Variants in PDE1C observed in about 807,000 individuals in gnomAD.
PDE1C encodes dual specificity calcium/calmodulin-dependent 3',5'-cyclic nucleotide phosphodiesterase 1C.
A neutral mutation model predicts 93.1 loss-of-function variants in PDE1C; 62 were observed. The ratio of observed to expected loss-of-function variants is 0.67; its 90% confidence interval spans 0.54 to 0.82. The LOEUF (loss-of-function observed/expected upper bound fraction) is 0.82, where lower values mean the gene tolerates loss of function less well. PDE1C is among the 40% of genes least tolerant of loss of function. The pLI, the probability that PDE1C is intolerant of heterozygous loss-of-function variation, is 0.00. For synonymous variants in PDE1C, 325 were observed against 310.1 expected, an observed-to-expected ratio of 1.05 and a Z score of -0.50; for missense variants, 742 against 884.6, an observed-to-expected ratio of 0.84 and a Z score of 2.04.
At chr7:32,269,086 C>A (rs1363658647) in intron 1 of PDE1C, among the ~76,000 whole-genome samples, 1 of 152,170 alleles carries the variant, frequency 6.6e-6, no homozygotes, top group East Asian at 1.9e-4. Context: ...AGCACAGAGG[C>A]CTTCTTAAAG....
intron 2 of PDE1C, among the ~76,000 whole-genome samples, chr7:31,927,402 T>A (rs1415810252): frequency 6.6e-6 from 1 of 152,164 alleles, no homozygotes; most frequent in Non-Finnish European, 1.5e-5. Flanking sequence ...GCCTGCCGGC[T>A]CTGAAGAGAG....
chr7:31,809,409 T>C (rs1787276432), intron 15 of PDE1C, among the ~76,000 whole-genome samples: 1 of 152,068 alleles, frequency 6.6e-6, no homozygotes, highest in Non-Finnish European at 1.5e-5. Context: ...CCGAGCTAAC[T>C]GTAAGTTCTA....
chr7:31,870,987 TATTAGTATAAAA>T (rs1795878854), intron 6 of PDE1C, among the ~76,000 whole-genome samples: 2 of 151,426 alleles, frequency 1.3e-5, no homozygotes, highest in African/African-American at 4.8e-5. Context: ...ATTTTTATAC[TATTAGTATAAAA>T]AATAGTATTT....
chr7:31,854,165 T>C (rs1793707917), intron 7 of PDE1C, among the ~76,000 whole-genome samples: 2 of 152,120 alleles, frequency 1.3e-5, no homozygotes, highest in Non-Finnish European at 2.9e-5. Flanking sequence ...GAGAACAATA[T>C]GTTAGATGAC....
the PDE1C span, among the ~76,000 whole-genome samples, chr7:31,619,116 A>T: frequency 6.6e-6 from 1 of 152,200 alleles, no homozygotes; most frequent in East Asian, 1.9e-4. Flanking sequence ...TGTGTATATT[A>T]GTCACAACAT....
At chr7:31,697,623 A>G in the PDE1C span, among the ~76,000 whole-genome samples, 7 of 151,916 alleles carry the variant, frequency 4.6e-5, no homozygotes, top group Admixed American at 6.5e-5. Context: ...CTGCTCTGTG[A>G]GATACAGTCC....
At chr7:31,845,854 C>T (rs1335918911) in intron 9 of PDE1C, among the ~76,000 whole-genome samples, 1 of 151,762 alleles carries the variant, frequency 6.6e-6, no homozygotes, top group Admixed American at 6.6e-5. Flanking sequence ...TTAGCTGGGC[C>T]TGGTAGTGCA....
chr7:32,213,069 T>C (rs964528932), intron 1 of PDE1C, among the ~76,000 whole-genome samples: 1 of 152,214 alleles, frequency 6.6e-6, no homozygotes, highest in Non-Finnish European at 1.5e-5. Context: ...ATTCAGTCAA[T>C]ATTTTTGGAA....
chr7:32,359,994 A>T (rs1784105102), intron 1 of PDE1C, among the ~76,000 whole-genome samples: 1 of 152,180 alleles, frequency 6.6e-6, no homozygotes, highest in African/African-American at 2.4e-5. Flanking sequence ...CATTTATTTT[A>T]AACCAAGTAT....
At chr7:32,089,712 C>A (rs763514369) in intron 3 of PDE1C, among the ~76,000 whole-genome samples, 9 of 152,090 alleles carry the variant, frequency 5.9e-5, no homozygotes, top group Non-Finnish European at 1.2e-4. Flanking sequence ...TACAGGGAGG[C>A]AATGCTGTAT....
intron 1 of PDE1C, among the ~76,000 whole-genome samples, chr7:32,233,219 T>C (rs937418666): frequency 6.6e-6 from 1 of 151,424 alleles, no homozygotes; most frequent in Non-Finnish European, 1.5e-5. Flanking sequence ...TGAAAGAAAA[T>C]AAGAGATAAA....
chr7:32,021,903 C>T (rs758512076), intron 2 of PDE1C, among the ~76,000 whole-genome samples: 3 of 152,080 alleles, frequency 2.0e-5, no homozygotes, highest in Admixed American at 6.6e-5. Flanking sequence ...CTTAAAATTT[C>T]TCTAAAATTT....
At chr7:31,710,609 G>A in the PDE1C span, among the ~76,000 whole-genome samples, 1 of 151,982 alleles carries the variant, frequency 6.6e-6, no homozygotes, top group Non-Finnish European at 1.5e-5. Flanking sequence ...AGTTAGCAAA[G>A]CAATTATTTT....
upstream of PDE1C, chr7:32,070,518 G>A (rs1795917799): frequency 2.0e-6 from 3 of 1,512,696 alleles, no homozygotes; most frequent in Non-Finnish European, 1.8e-6. Flanking sequence ...CTTTCTCGGC[G>A]CGCTCCCCCT....
At chr7:31,726,939 G>C in the PDE1C span, among the ~76,000 whole-genome samples, 1 of 152,174 alleles carries the variant, frequency 6.6e-6, no homozygotes, top group Non-Finnish European at 1.5e-5. Flanking sequence ...GGAGGCCTGA[G>C]GCAGGAGAAT....
intron 1 of PDE1C, among the ~76,000 whole-genome samples, chr7:32,314,957 G>A (rs530086433): frequency 2.7e-5 from 4 of 149,130 alleles, no homozygotes; most frequent in East Asian, 2.0e-4. Context: ...AACATGCATC[G>A]CCACAGATAC....
At chr7:32,244,397 T>C (rs1808764348) in intron 1 of PDE1C, among the ~76,000 whole-genome samples, 1 of 152,172 alleles carries the variant, frequency 6.6e-6, no homozygotes, top group African/African-American at 2.4e-5. Flanking sequence ...TCAAGCACTC[T>C]CAGTATTCCA....
At chr7:32,236,172 T>C (rs1389077440) in intron 1 of PDE1C, among the ~76,000 whole-genome samples, 1 of 152,064 alleles carries the variant, frequency 6.6e-6, no homozygotes, top group East Asian at 1.9e-4. Flanking sequence ...ATATAAGATA[T>C]AAAATCTATT....
intron 7 of PDE1C, among the ~76,000 whole-genome samples, chr7:31,861,765 T>C (rs1794723675): frequency 1.3e-5 from 2 of 152,128 alleles, no homozygotes; most frequent in Admixed American, 1.3e-4. Context: ...TCTGCAGAAT[T>C]TTCCTAGCAG....
Sources: allele counts gnomAD v4.1 joint callset (sites outside exome capture counted in the v4.1 genomes callset), GRCh38; gene constraint gnomAD v4.1.1; transcripts MANE v1.5; gene names NCBI Gene and HGNC (gene_info 2026-07-23, HGNC 2026-07-21).